MMP9: variants seen among roughly 807,000 people sequenced by gnomAD.
MMP9 encodes the protein matrix metallopeptidase 9.
A neutral mutation model predicts 76.4 loss-of-function variants in MMP9; 73 were observed. The ratio of observed to expected loss-of-function variants is 0.96; its 90% CI spans 0.79 to 1.16. The LOEUF (loss-of-function observed/expected upper bound fraction) is 1.16, where lower values mean the gene tolerates loss of function less well. Ranked by LOEUF, MMP9 falls within the 50% of genes most tolerant of loss-of-function variation. The pLI is 0.00. For missense variants in MMP9, 943 were observed against 973.0 expected, an observed-to-expected ratio of 0.97 and a Z score of 0.41; for synonymous variants, 412 against 408.4, an observed-to-expected ratio of 1.01 and a Z score of -0.11.
chr20:46,014,123 G>C lies in MMP9; in HGVS notation c.1751-1G>C, dbSNP rs1240084039. ...ACCGACGTGACCCTCCTCCCCTGCAGGGCGCCAGGTGTGGGTGTACACAGG... is the reference window on the plus strand; with the variant it reads ...ACCGACGTGACCCTCCTCCCCTGCACGGCGCCAGGTGTGGGTGTACACAGG... On this transcript the variant is annotated splice_acceptor_variant, in intron 10 of 12. Coordinates refer to ENST00000372330, the MANE Select transcript of MMP9 (RefSeq NM_004994.3). LOFTEE classifies it high-confidence loss of function. 6.5e-7 allele frequency: 1 copy of C among 1,535,124 alleles called. No individual in the cohort carries two copies. The highest frequency in any genetic ancestry group is 8.7e-7 in the Non-Finnish European group (1 of 1,146,622).
In MMP9 at chr20:46,014,365, C is replaced by T. The variant is rs1046952891; in HGVS notation, c.1902-6C>T. 1 of 1,547,028 alleles carries T rather than the reference C, an allele frequency of 6.5e-7. No individual in the cohort carries two copies. The highest frequency in any genetic ancestry group is 1.4e-5 in the African/African-American group (1 of 73,052). On this transcript the variant is annotated splice_region_variant and splice_polypyrimidine_tract_variant and intron_variant, in intron 11 of 12. Coordinates refer to ENST00000372330, the MANE Select transcript of MMP9 (RefSeq NM_004994.3). ...CAGCACCTGTCTCCTCCGCGCCTGCCCGCAGGTTCGACGTGAAGGCGCAGA... is the reference window on the plus strand; with the variant it reads ...CAGCACCTGTCTCCTCCGCGCCTGCTCGCAGGTTCGACGTGAAGGCGCAGA...
Position 46,010,939 on chromosome 20 carries a change from C to T in MMP9, c.538C>T (p.Pro180Ser), listed in dbSNP as rs1198905817. ...TTCTTCAGAGCACGGAGACGGGTAT[C>T]CCTTCGACGGGAAGGACGGGCTCCT... ...FGVAEHGDGY[P>S]FDGKDGLLAH... is the part of the protein sequence containing the mutation. Residue 180 changes from proline to serine, a missense_variant, in exon 4 of 13, where the codon CCC becomes TCC. Pro to Ser is a moderately conservative substitution (Grantham distance 74). Transcript: ENST00000372330. The T allele has an allele frequency of 1.2e-6, 2 of 1,614,262 alleles. No homozygotes were observed. The highest frequency in any genetic ancestry group is 8.5e-7 in the Non-Finnish European group (1 of 1,180,056).
At chr20:46,010,169 CAT>C in intron 2 of MMP9, 71 bp downstream of exon 2, 1 of 1,379,884 alleles carries the variant, frequency 7.2e-7, no homozygotes, top group Non-Finnish European at 9.9e-7. Flanking sequence ...CAGCGGTGAA[CAT>C]GTCCTGTCTT....
Position 46,011,596 on chromosome 20 carries a change from T to C in MMP9, c.846T>C (p.Asn282=), listed in dbSNP as rs1475483463. ...PSERLYTQDG[N]ADGKPCQFPF... is the part of the protein sequence containing the mutation. ...CAGGACTCTACACCCAGGACGGCAA[T>C]GCTGATGGGAAACCCTGCCAGTTTC... The change falls in exon 6 of 13, where the codon AAT becomes AAC. Residue 282 remains asparagine (N), a synonymous_variant. Coordinates refer to ENST00000372330, the MANE Select transcript of MMP9 (RefSeq NM_004994.3). 10 of 1,612,500 alleles carry C rather than the reference T, an allele frequency of 6.2e-6. No homozygotes were observed. Among genetic ancestry groups the C allele is most frequent in the Non-Finnish European group, 8.5e-6 (10 of 1,179,474 alleles).
rs1408103367 is a variant in MMP9, at chr20:46,012,181, G to A, written c.1042G>A (p.Val348Ile). ...MGGNSAGELC[V>I]FPFTFLGKEY... ...GGGCAACTCGGCGGGGGAGCTGTGC[G>A]TCTTCCCCTTCACTTTCCTGGGTAA... The change falls in exon 7 of 13, where the codon GTC (valine) becomes ATC (isoleucine). Residue 348 changes from valine (V) to isoleucine (I), a missense_variant. Coordinates refer to ENST00000372330, the MANE Select transcript of MMP9 (RefSeq NM_004994.3). The A allele has an allele frequency of 1.9e-6, 3 of 1,613,972 alleles. No individual in the cohort carries two copies. The highest frequency in any genetic ancestry group is 2.7e-5 in the African/African-American group (2 of 74,940).
At position 46,011,678 on chromosome 20, in the gene MMP9, G is replaced by C. The variant is rs749575889; in HGVS notation, c.928G>C (p.Gly310Arg). The change falls in exon 6 of 13, where the codon GGC becomes CGC. Residue 310 changes from glycine to arginine, a missense_variant. By Grantham distance (125) the Gly-to-Arg change is moderately radical (BLOSUM62 -2). Transcript: ENST00000372330. The stretch of plus-strand genomic sequence containing the variant: ...CTGCACCACGGACGGTCGCTCCGAC[G>C]GCTACCGCTGGTGCGCCACCACCGC... ...SACTTDGRSDGYRWCATTANY... is the reference protein window; with the variant it reads ...SACTTDGRSDRYRWCATTANY... The C allele has an allele frequency of 2.5e-6, 4 of 1,613,880 alleles. No homozygotes were observed. The highest frequency in any genetic ancestry group is 3.4e-6 in the Non-Finnish European group (4 of 1,180,040).
In MMP9 at chr20:46,013,990, C is replaced by A. The variant is rs2084302657; in HGVS notation, c.1751-134C>A. On this transcript the variant is annotated intron_variant, in intron 10 of 12. Transcript: ENST00000372330. The surrounding 1 kb of genome is among the most constrained non-coding windows in gnomAD (Gnocchi z 4.5). ...CACGCCCTCGCGTCGCTCTACCCAG[C>A]GCCTCTGCCCCTGGGTTGCAGGGAC... 1 of 1,429,426 alleles carries A rather than the reference C, an allele frequency of 7.0e-7. No individual in the cohort carries two copies. Among genetic ancestry groups the A allele is most frequent in the Non-Finnish European group, 9.4e-7 (1 of 1,060,818 alleles). 88.5% of individuals were successfully genotyped at this position (1,429,426 alleles called of 1,614,324 possible).
intron 12 of MMP9, 26 bp from the exon 13 acceptor site, chr20:46,016,224 C>G: frequency 3.8e-6 from 6 of 1,586,890 alleles, no homozygotes; most frequent in Non-Finnish European, 5.2e-6. Context: ...AGAATCACTC[C>G]TCTTATGCCT....
chr20:46,009,851 T>C lies in MMP9; in HGVS notation c.139-15T>C. The C allele has an allele frequency of 3.2e-6, 5 of 1,549,938 alleles. No homozygotes were observed. Among genetic ancestry groups the C allele is most frequent in the Non-Finnish European group, 4.4e-6 (5 of 1,145,384 alleles). On this transcript the variant is annotated splice_polypyrimidine_tract_variant and intron_variant, in intron 1 of 12. Coordinates refer to ENST00000372330, the MANE Select transcript of MMP9 (RefSeq NM_004994.3). ...GGGTCAGAGATCTGGCATGTGTGTG[T>C]CCCTTCATCCACAGGAATACCTGTA...
At chr20:46,011,420 C>T (rs761057173) in intron 5 of MMP9, 104 bp downstream of exon 5, 4 of 1,568,636 alleles carry the variant, frequency 2.5e-6, no homozygotes, top group Non-Finnish European at 3.5e-6. Context: ...TGCAATTCAC[C>T]CTCCCGCACT....
chr20:46,014,220 C>T lies in MMP9; in HGVS notation c.1847C>T (p.Ala616Val), dbSNP rs1485659654. 15 of 1,536,854 alleles carry T rather than the reference C, an allele frequency of 9.8e-6. No individual in the cohort carries two copies. Among genetic ancestry groups the T allele is most frequent in the African/African-American group, 1.4e-5 (1 of 72,784 alleles). ...GCCGACGTGGCCCAGGTGACCGGGG[C>T]CCTCCGGAGTGGCAGGGGGAAGATG... ...LGADVAQVTGALRSGRGKMLL... is the reference protein window; with the variant it reads ...LGADVAQVTGVLRSGRGKMLL... Residue 616 changes from alanine (A) to valine (V), a missense_variant, in exon 11 of 13, where the codon GCC becomes GTC. Transcript: ENST00000372330.
Position 46,014,129 on chromosome 20 carries a change from C to T in MMP9, c.1756C>T (p.Gln586Ter), listed in dbSNP as rs1467654384. The change falls in exon 11 of 13, where the codon CAG becomes TAG. Residue 586 changes from glutamine (Q) to a stop codon, truncating the protein, a stop_gained. Coordinates refer to ENST00000372330, the MANE Select transcript of MMP9 (RefSeq NM_004994.3). LOFTEE classifies it high-confidence loss of function. ...GTGACCCTCCTCCCCTGCAGGGCGC[C>T]AGGTGTGGGTGTACACAGGCGCGTC... ...SKKLFFFSGR[Q>*]VWVYTGASVL... 3 of 1,535,342 alleles carry T rather than the reference C, an allele frequency of 2.0e-6. No individual in the cohort carries two copies. In the East Asian group the frequency reaches 7.3e-5, roughly 38 times the overall value.
At position 46,012,540 on chromosome 20, in the gene MMP9, C is replaced by A. The variant is rs754588801; in HGVS notation, c.1288C>A (p.Pro430Thr). 1 of 1,613,944 alleles carries A rather than the reference C, an allele frequency of 6.2e-7. No homozygotes were observed. Among genetic ancestry groups the A allele is most frequent in the South Asian group, 1.1e-5 (1 of 91,082 alleles). ...YPMYRFTEGP[P>T]LHKDDVNGIR... ...TATGTACCGCTTCACTGAGGGGCCC[C>A]CCTTGCATAAGGACGACGTGAATGG... is the stretch of plus-strand genomic sequence containing the variant. Residue 430 changes from proline to threonine, a missense_variant, in exon 8 of 13, where the codon CCC (proline) becomes ACC (threonine). By Grantham distance (38) the Pro-to-Thr change is conservative (BLOSUM62 -1). Coordinates refer to ENST00000372330, the MANE Select transcript of MMP9 (RefSeq NM_004994.3).
Position 46,014,441 on chromosome 20 carries a change from C to T in MMP9, c.1972C>T (p.Pro658Ser). Residue 658 changes from proline (P) to serine (S), a missense_variant, in exon 12 of 13, where the codon CCT becomes TCT. Physicochemically the swap from Pro to Ser is moderately conservative, Grantham distance 74. Transcript: ENST00000372330. ...GGTGGACCGGATGTTCCCCGGGGTG[C>T]CTTTGGACACGCACGACGTCTTCCA... ...SEVDRMFPGV[P>S]LDTHDVFQYR... 1 of 1,550,444 alleles carries T rather than the reference C, an allele frequency of 6.4e-7. No individual in the cohort carries two copies. The highest frequency in any genetic ancestry group is 2.0e-5 in the Admixed American group (1 of 51,008).
intron 12 of MMP9, among the ~76,000 whole-genome samples, chr20:46,015,295 G>T (rs1327042999): frequency 7.9e-5 from 12 of 152,190 alleles, no homozygotes; most frequent in Admixed American, 6.5e-4. Context: ...TGTCTGGAAA[G>T]CTTCCCCTCC....
intron 2 of MMP9, 65 bp downstream of exon 2, chr20:46,010,163 G>A: frequency 3.5e-6 from 5 of 1,410,120 alleles, no homozygotes; most frequent in Non-Finnish European, 4.8e-6. Flanking sequence ...TTGGGCCAGC[G>A]GTGAACATGT....
chr20:46,010,814 G>C (rs2084273750), intron 3 of MMP9, 108 bp from the exon 4 acceptor site: 2 of 1,592,910 alleles, frequency 1.3e-6, no homozygotes. Flanking sequence ...AGAGCTTCGC[G>C]CAGGCGGGAT....
chr20:46,010,325 A>AAAAAAAAAAAAAAAAAAC (rs1568846592), intron 2 of MMP9, among the ~76,000 whole-genome samples, 158 bp from the exon 3 acceptor site: 1 of 126,852 alleles, frequency 7.9e-6, no homozygotes, highest in African/African-American at 2.9e-5. Flanking sequence ...AGTAGACAAA[A>AAAAAAAAAAAAAAAAAAC]AAAAAAAAAA....
chr20:46,010,585 C>T lies in MMP9; in HGVS notation c.474C>T (p.Arg158=), dbSNP rs1216616652. 5 of 1,614,012 alleles carry T rather than the reference C, an allele frequency of 3.1e-6. No homozygotes were observed. The highest frequency in any genetic ancestry group is 3.4e-6 in the Non-Finnish European group (4 of 1,180,008). The change falls in exon 3 of 13, where the codon CGC becomes CGT. Residue 158 remains arginine (R), a synonymous_variant. Transcript: ENST00000372330. ...CGGTGACGCCGCTCACCTTCACTCG[C>T]GTGTACAGCCGGGACGCAGACATCG... The part of the protein sequence containing the change: ...WSAVTPLTFT[R]VYSRDADIVI...
Sources: gnomAD v4.1 joint callset for allele counts (sites outside exome capture counted in the v4.1 genomes callset) on GRCh38, gnomAD v4.1.1 for gene constraint, Gnocchi (gnomAD v3.1) non-coding constraint, MANE v1.5 for transcripts, NCBI Gene and HGNC (gene_info 2026-07-23, HGNC 2026-07-21) for gene names.